Variants in GLRA2 observed in about 807,000 individuals in gnomAD.
GLRA2 encodes the protein glycine receptor alpha 2.
GLRA2 carries 11 observed loss-of-function variants against 31.6 expected under a neutral mutation model. The ratio of observed to expected loss-of-function variants is 0.35; its 90% CI spans 0.22 to 0.58. The LOEUF (loss-of-function observed/expected upper bound fraction) is 0.58. Among genes scored for constraint, GLRA2 ranks in the 20% least tolerant of loss-of-function variants. The pLI is 0.84. For missense variants in GLRA2, 212 were observed against 351.8 expected (o/e 0.60, Z 3.18); for synonymous variants, 132 against 134.0 (o/e 0.99, Z 0.10).
chrX:14,578,768 G>A (rs2089983902), intron 3 of GLRA2, among the ~76,000 whole-genome samples: 1 of 111,633 alleles, frequency 9.0e-6, no homozygotes, highest in African/African-American at 3.3e-5. Flanking sequence ...AGGGTCAAGG[G>A]TGCTTTCATA....
chrX:14,604,448 G>T (rs757258542), intron 5 of GLRA2, 51 bp downstream of exon 5: 2 of 746,144 alleles, frequency 2.7e-6, no homozygotes, highest in Non-Finnish European at 4.1e-6. Flanking sequence ...CCAATGACCT[G>T]GTTCTTTTAG....
At chrX:14,672,684 G>A (rs1432474059) in intron 7 of GLRA2, among the ~76,000 whole-genome samples, 1 of 111,883 alleles carries the variant, frequency 8.9e-6, no homozygotes, top group Non-Finnish European at 1.9e-5. Flanking sequence ...AACAAAAAGT[G>A]AGATCAACAG....
chrX:14,641,896 G>T (rs905208993), intron 7 of GLRA2, among the ~76,000 whole-genome samples: 5 of 112,074 alleles, frequency 4.5e-5, no homozygotes, highest in African/African-American at 1.6e-4. Context: ...ATGCCTAATG[G>T]CTCTGTTGGT....
intron 2 of GLRA2, among the ~76,000 whole-genome samples, chrX:14,565,486 T>G (rs981301391): frequency 9.5e-6 from 1 of 105,246 alleles, no homozygotes; most frequent in African/African-American, 3.6e-5. Context: ...CTCTCATCAT[T>G]TTGGTCAATA....
intron 7 of GLRA2, among the ~76,000 whole-genome samples, chrX:14,660,356 A>G (rs935937773): frequency 9.0e-6 from 1 of 111,692 alleles, no homozygotes; most frequent in African/African-American, 3.3e-5. Flanking sequence ...CAAAGAGGAC[A>G]GTGTGTCTGG....
chrX:14,568,875 G>A (rs905748012), intron 2 of GLRA2, among the ~76,000 whole-genome samples: 5 of 111,297 alleles, frequency 4.5e-5, no homozygotes, highest in African/African-American at 1.6e-4. Flanking sequence ...AGGGGTAAAC[G>A]TTCATTACCT....
chrX:14,604,543 AGTGTGTGTGTGTGTGTGTGTGT>A (rs377121617), intron 5 of GLRA2, 146 bp downstream of exon 5: 276 of 161,430 alleles, frequency 1.7e-3, no homozygotes, highest in African/African-American at 9.7e-3. Flanking sequence ...GACAAACCAA[AGTGTGTGTGTGTGTGTGTGTGT>A]GTGTGTGTGT....
intron 2 of GLRA2, among the ~76,000 whole-genome samples, chrX:14,552,210 T>C (rs1236618904): frequency 8.9e-6 from 1 of 111,850 alleles, no homozygotes; most frequent in African/African-American, 3.3e-5. Context: ...CTCCTCTCTA[T>C]ATAATTGTAC....
intron 8 of GLRA2, among the ~76,000 whole-genome samples, chrX:14,722,481 T>A (rs182995684): frequency 1.9e-3 from 209 of 111,321 alleles, no homozygotes; most frequent in African/African-American, 6.6e-3. Flanking sequence ...TTCCACCAAA[T>A]TCTGTTGATT....
At chrX:14,589,720 A>G in intron 4 of GLRA2, among the ~76,000 whole-genome samples, 1 of 107,244 alleles carries the variant, frequency 9.3e-6, no homozygotes, top group South Asian at 3.9e-4. Flanking sequence ...ACACACATAT[A>G]TGTGTGTGTA....
At chrX:14,719,764 A>T (rs942039086) in intron 8 of GLRA2, among the ~76,000 whole-genome samples, 9 of 112,137 alleles carry the variant, frequency 8.0e-5, no homozygotes, top group African/African-American at 2.9e-4. Flanking sequence ...TTACTGCAGC[A>T]CTATTTACAA....
the GLRA2 span, among the ~76,000 whole-genome samples, chrX:14,523,034 C>T: frequency 8.9e-6 from 1 of 112,114 alleles, no homozygotes; most frequent in African/African-American, 3.2e-5. Flanking sequence ...CTATGAAAGT[C>T]CTAGATGGCA....
At chrX:14,618,247 T>G (rs1293840176) in intron 7 of GLRA2, among the ~76,000 whole-genome samples, 2 of 111,666 alleles carry the variant, frequency 1.8e-5, no homozygotes, top group Non-Finnish European at 3.8e-5. Flanking sequence ...AAAATATCTC[T>G]CATGGCCCAG....
chrX:14,555,119 G>A (rs933744471), intron 2 of GLRA2, among the ~76,000 whole-genome samples: 2 of 112,128 alleles, frequency 1.8e-5, no homozygotes, highest in East Asian at 2.8e-4. Flanking sequence ...TTAACACTGT[G>A]TATAGGGATG....
At chrX:14,633,914 C>A (rs1005520166) in intron 7 of GLRA2, among the ~76,000 whole-genome samples, 4 of 111,573 alleles carry the variant, frequency 3.6e-5, no homozygotes, top group African/African-American at 1.3e-4. Context: ...ATGGGGATTA[C>A]AATTCAGATT....
At chrX:14,536,723 T>C (rs769927097) in intron 2 of GLRA2, among the ~76,000 whole-genome samples, 3 of 110,821 alleles carry the variant, frequency 2.7e-5, no homozygotes, top group Non-Finnish European at 5.7e-5. Context: ...CCTTAATTAA[T>C]CAAGAGGCCT....
chrX:14,487,355 T>C, the GLRA2 span, among the ~76,000 whole-genome samples: 1 of 98,475 alleles, frequency 1.0e-5, no homozygotes, highest in African/African-American at 3.9e-5. Flanking sequence ...TGTCCACTTT[T>C]TAATAAAAGC....
the GLRA2 span, among the ~76,000 whole-genome samples, chrX:14,487,743 G>A: frequency 1.8e-5 from 2 of 111,922 alleles, no homozygotes; most frequent in Non-Finnish European, 3.8e-5. Flanking sequence ...CAATGGTCTT[G>A]CAGAATAAAA....
chrX:14,641,529 C>T (rs1164948696), intron 7 of GLRA2, among the ~76,000 whole-genome samples: 1 of 111,022 alleles, frequency 9.0e-6, no homozygotes, highest in Admixed American at 9.6e-5. Context: ...CCTCTGATAC[C>T]TCATCTATAA....
Sources: gnomAD v4.1 joint callset for allele counts (sites outside exome capture counted in the v4.1 genomes callset) on GRCh38, gnomAD v4.1.1 for gene constraint, MANE v1.5 for transcripts, NCBI Gene and HGNC (gene_info 2026-07-23, HGNC 2026-07-21) for gene names.